The following SEC14L1 variants were observed in gnomAD, a reference collection of about 807,000 sequenced individuals.
SEC14L1 encodes the protein SEC14-like protein 1.
In SEC14L1, 48 loss-of-function variants were observed where a neutral mutation model predicts 85.3. The observed-to-expected ratio is 0.56, with a 90% CI of 0.45 to 0.72. The LOEUF (loss-of-function observed/expected upper bound fraction) is 0.72, where lower values mean the gene tolerates loss of function less well. Among genes scored for constraint, SEC14L1 ranks in the 30% least tolerant of loss-of-function variants. The pLI is 0.00. For missense variants in SEC14L1, 682 were observed against 921.4 expected (o/e 0.74, Z 3.36); for synonymous variants, 391 against 355.5 (o/e 1.10, Z -1.12).
At chr17:77,119,159 A>G (rs1323709871) in intron 3 of SEC14L1, among the ~76,000 whole-genome samples, 1 of 151,880 alleles carries the variant, frequency 6.6e-6, no homozygotes, top group Non-Finnish European at 1.5e-5. Context: ...AAAATACAAA[A>G]ATTAGCCGAG....
chr17:77,106,428 A>G (rs1475821746), intron 3 of SEC14L1, among the ~76,000 whole-genome samples: 3 of 152,014 alleles, frequency 2.0e-5, no homozygotes, highest in Non-Finnish European at 4.4e-5. Flanking sequence ...GCTACTCGGG[A>G]GACTGAGGCA....
intron 3 of SEC14L1, among the ~76,000 whole-genome samples, chr17:77,161,384 G>A (rs1000448256): frequency 2.6e-5 from 4 of 152,194 alleles, no homozygotes; most frequent in African/African-American, 4.8e-5. Context: ...CTCCTGGGGC[G>A]GCTGAGGCGA....
intron 3 of SEC14L1, among the ~76,000 whole-genome samples, chr17:77,113,679 G>A (rs540167411): frequency 8.5e-4 from 129 of 152,280 alleles, no homozygotes; most frequent in African/African-American, 3.0e-3. Context: ...CCAGGAAGCA[G>A]AGGTTGCTAT....
chr17:77,189,150 A>T (rs761659170), intron 3 of SEC14L1, among the ~76,000 whole-genome samples: 1 of 152,224 alleles, frequency 6.6e-6, no homozygotes, highest in African/African-American at 2.4e-5. Context: ...ACCTCATTCT[A>T]TAAAACAGAA....
At chr17:77,123,640 TG>T (rs978916331) in intron 3 of SEC14L1, among the ~76,000 whole-genome samples, 3 of 151,674 alleles carry the variant, frequency 2.0e-5, no homozygotes, top group Admixed American at 6.6e-5. Context: ...CTCGAACTCC[TG>T]GGCTCAAGCG....
chr17:77,183,070 T>G (rs1356522980), intron 3 of SEC14L1, among the ~76,000 whole-genome samples: 1 of 152,212 alleles, frequency 6.6e-6, no homozygotes, highest in Non-Finnish European at 1.5e-5. Flanking sequence ...AACGTGGCAG[T>G]GTTGTATTTA....
chr17:77,121,288 G>A (rs1214439300), intron 3 of SEC14L1, among the ~76,000 whole-genome samples: 2 of 152,248 alleles, frequency 1.3e-5, no homozygotes, highest in Non-Finnish European at 2.9e-5. Context: ...AGTGGTAGGA[G>A]AGGCAGAAAG....
rs1268888599 is a variant in SEC14L1, at chr17:77,213,572, A to G, written c.2042+80A>G. On this transcript the variant is annotated intron_variant, in intron 16 of 16. Coordinates refer to ENST00000436233, the MANE Select transcript of SEC14L1 (RefSeq NM_001143998.2). The surrounding 1 kb of genome is among the most constrained non-coding windows in gnomAD (Gnocchi z 7.1). ...GAGCCTGCAGTCCCACGCCGTGTGCAGGATCAGCAGTGGCGGCGGGTGTCA... is the reference window on the plus strand; with the variant it reads ...GAGCCTGCAGTCCCACGCCGTGTGCGGGATCAGCAGTGGCGGCGGGTGTCA... 2 of 1,535,518 alleles carry G rather than the reference A, an allele frequency of 1.3e-6. No homozygotes were observed. Among genetic ancestry groups the G allele is most frequent in the Non-Finnish European group, 1.8e-6 (2 of 1,126,166 alleles).
At chr17:77,103,050 C>T (rs1971814974) in intron 3 of SEC14L1, among the ~76,000 whole-genome samples, 1 of 152,082 alleles carries the variant, frequency 6.6e-6, no homozygotes, top group South Asian at 2.1e-4. Flanking sequence ...TCAAGTGATC[C>T]TCCACCTCGG....
intron 3 of SEC14L1, among the ~76,000 whole-genome samples, chr17:77,150,561 C>T (rs1441672488): frequency 6.6e-6 from 1 of 152,168 alleles, no homozygotes; most frequent in Middle Eastern, 3.2e-3. Flanking sequence ...TGAGGGATCC[C>T]AGGATGGACT....
rs8067966 is a variant in SEC14L1, at chr17:77,152,964, C to A, written c.63+9305C>A. Among the ~76,000 whole-genome samples, 533 of 152,228 alleles carry A rather than the reference C, an allele frequency of 3.5e-3. 1 individual carries two copies. The highest frequency in any genetic ancestry group is 0.012 in the African/African-American group (496 of 41,520). ...ATTTGTCCTGTTCAGTTACCTTAAC[C>A]TTTTGCTGATTTAATTGTTCCTTAC... On this transcript the variant is annotated intron_variant, in intron 3 of 16. Coordinates refer to ENST00000436233, the MANE Select transcript of SEC14L1 (RefSeq NM_001143998.2).
At chr17:77,184,171 A>G (rs978122797) in intron 3 of SEC14L1, among the ~76,000 whole-genome samples, 1 of 152,202 alleles carries the variant, frequency 6.6e-6, no homozygotes, top group Non-Finnish European at 1.5e-5. Flanking sequence ...CTTCCGCTGC[A>G]TCACGCCAGG....
chr17:77,093,052 G>A (rs1283059105), intron 2 of SEC14L1, among the ~76,000 whole-genome samples: 2 of 151,896 alleles, frequency 1.3e-5, no homozygotes, highest in Admixed American at 6.6e-5. Flanking sequence ...AGTGGTACCT[G>A]TAGACTTGGA....
chr17:77,140,678 C>G (rs1598283806), upstream of SEC14L1: 1 of 152,356 alleles, frequency 6.6e-6, no homozygotes, highest in Non-Finnish European at 1.5e-5. Context: ...CGGCCCCGCC[C>G]CCAACAAGTG....
chr17:77,107,237 T>C (rs1322298922), intron 3 of SEC14L1, among the ~76,000 whole-genome samples: 1 of 152,106 alleles, frequency 6.6e-6, no homozygotes, highest in Non-Finnish European at 1.5e-5. Flanking sequence ...GGCTCCGGGC[T>C]CCGGGGTCCA....
intron 3 of SEC14L1, among the ~76,000 whole-genome samples, chr17:77,183,126 G>T (rs1975110210): frequency 6.6e-6 from 1 of 152,230 alleles, no homozygotes. Flanking sequence ...TGATTTCTTG[G>T]TTTGTACCAA....
chr17:77,164,192 G>A (rs1387516307), intron 3 of SEC14L1, among the ~76,000 whole-genome samples: 2 of 152,206 alleles, frequency 1.3e-5, no homozygotes, highest in East Asian at 3.8e-4. Context: ...GGCTGACCCG[G>A]TACCGTGCCC....
intron 2 of SEC14L1, among the ~76,000 whole-genome samples, chr17:77,090,505 T>TAAA (rs34751442): frequency 1.6e-5 from 2 of 125,312 alleles, no homozygotes; most frequent in Non-Finnish European, 1.7e-5. Context: ...TTTTAATTAT[T>TAAA]AAAAAAAAAA....
intron 3 of SEC14L1, chr17:77,093,838 G>A (rs1436444073): frequency 6.6e-6 from 1 of 152,208 alleles, no homozygotes; most frequent in East Asian, 1.9e-4. Flanking sequence ...CTTGGCCTCA[G>A]TTTTCCTGCC....
Sources: allele counts gnomAD v4.1 joint callset (sites outside exome capture counted in the v4.1 genomes callset), GRCh38; gene constraint gnomAD v4.1.1; non-coding constraint Gnocchi (gnomAD v3.1); transcripts MANE v1.5; gene names NCBI Gene and HGNC (gene_info 2026-07-23, HGNC 2026-07-21).